The following CABLES1 variants were observed in gnomAD, a reference collection of about 807,000 sequenced individuals.
CABLES1 encodes the protein CDK5 and ABL1 enzyme substrate 1.
Under a neutral mutation model 57.8 loss-of-function variants are expected in CABLES1, and 36 were observed. The observed-to-expected ratio is 0.62, with a 90% CI of 0.48 to 0.82. CABLES1 has a LOEUF of 0.82. Among genes scored for constraint, CABLES1 ranks in the 40% least tolerant of loss-of-function variants. The pLI, the probability that CABLES1 is intolerant of heterozygous loss-of-function variation, is 0.00. For synonymous variants in CABLES1, 374 were observed against 363.0 expected (o/e 1.03, Z -0.35); for missense variants, 767 against 836.6 (o/e 0.92, Z 1.03).
chr18:23,204,384 C>G (rs1317605834), intron 3 of CABLES1: 1 of 152,186 alleles, frequency 6.6e-6, no homozygotes, highest in Admixed American at 6.5e-5. Flanking sequence ...CTCAGTACCT[C>G]GCGCTTGTGT....
intron 1 of CABLES1, 31 bp from the exon 2 acceptor site, chr18:23,188,807 T>C: frequency 1.3e-6 from 2 of 1,552,056 alleles, no homozygotes; most frequent in Non-Finnish European, 1.8e-6. Flanking sequence ...AATGCAGTTT[T>C]AACTCCCAGA....
At chr18:23,156,378 G>T (rs1185953044) in intron 1 of CABLES1, among the ~76,000 whole-genome samples, 1 of 152,214 alleles carries the variant, frequency 6.6e-6, no homozygotes, top group East Asian at 1.9e-4. Context: ...AAGGGAGGGA[G>T]ACCTGGAGGC....
intron 4 of CABLES1, among the ~76,000 whole-genome samples, chr18:23,228,868 G>C (rs996869686): frequency 3.9e-5 from 6 of 151,970 alleles, no homozygotes; most frequent in African/African-American, 1.5e-4. Context: ...CTAGGTACAT[G>C]TGGCTAAGCT....
chr18:23,246,882 G>A (rs563063150), intron 7 of CABLES1, among the ~76,000 whole-genome samples: 13 of 152,164 alleles, frequency 8.5e-5, no homozygotes, highest in East Asian at 1.9e-4. Flanking sequence ...TAGTAGAGAC[G>A]GGGTTTTACC....
intron 1 of CABLES1, among the ~76,000 whole-genome samples, chr18:23,183,212 CT>C (rs1459613034): frequency 2.6e-5 from 4 of 152,222 alleles, no homozygotes; most frequent in African/African-American, 9.7e-5. Context: ...TCTCCCAGTG[CT>C]TTGTCACTCC....
At position 23,135,669 on chromosome 18, in the gene CABLES1, C is replaced by T; in HGVS notation, c.-94C>T. ...CGCCGCCCGATCCCCGCGCCCTACC[C>T]AGCCCGGGTCGCCGCCGCTCGCGCC... On this transcript the variant is annotated 5_prime_UTR_variant, in exon 1 of 10. It introduces an in-frame stop codon into an upstream open reading frame of the 5' UTR. Coordinates refer to ENST00000256925, the MANE Select transcript of CABLES1 (RefSeq NM_001100619.3). 2.1e-6 allele frequency: 2 copies of T among 975,044 alleles called. No individual in the cohort carries two copies. The highest frequency in any genetic ancestry group is 2.4e-6 in the Non-Finnish European group (2 of 822,318). The allele number at this position is 975,044 out of a possible 1,614,324, so 60.4% of individuals were successfully genotyped here.
chr18:23,201,387 C>T (rs748727106), intron 3 of CABLES1, among the ~76,000 whole-genome samples: 5 of 152,132 alleles, frequency 3.3e-5, no homozygotes, highest in Admixed American at 6.5e-5. Flanking sequence ...GCATGCATGT[C>T]GTGTCATAGA....
At chr18:23,220,456 G>A (rs758711840) in intron 4 of CABLES1, among the ~76,000 whole-genome samples, 1 of 152,196 alleles carries the variant, frequency 6.6e-6, no homozygotes, top group Non-Finnish European at 1.5e-5. Flanking sequence ...CAGTAGGTGG[G>A]GGTAGGTGGG....
chr18:23,223,309 G>A (rs1457901650), intron 4 of CABLES1, among the ~76,000 whole-genome samples: 1 of 152,124 alleles, frequency 6.6e-6, no homozygotes, highest in East Asian at 1.9e-4. Context: ...GTTGGGTGCG[G>A]TGGCTCACAC....
At chr18:23,199,103 A>T (rs1183141679) in intron 3 of CABLES1, among the ~76,000 whole-genome samples, 2 of 152,252 alleles carry the variant, frequency 1.3e-5, no homozygotes, top group Admixed American at 1.3e-4. Flanking sequence ...TTTAAAAATC[A>T]TTAGCTTAAG....
chr18:23,146,275 A>C (rs2046891068), intron 1 of CABLES1, among the ~76,000 whole-genome samples: 1 of 152,208 alleles, frequency 6.6e-6, no homozygotes. Context: ...TTAGGGGGAC[A>C]AACGGTTGAT....
intron 1 of CABLES1, among the ~76,000 whole-genome samples, chr18:23,156,416 C>T (rs1252310396): frequency 1.3e-5 from 2 of 152,196 alleles, no homozygotes; most frequent in Admixed American, 6.5e-5. Context: ...TGTGTGTTTC[C>T]TGTTTCGCTT....
At chr18:23,192,400 C>A (rs1263394068) in intron 2 of CABLES1, among the ~76,000 whole-genome samples, 1 of 152,218 alleles carries the variant, frequency 6.6e-6, no homozygotes, top group African/African-American at 2.4e-5. Flanking sequence ...CTTTCCACTT[C>A]CAGAAGAAGG....
chr18:23,155,731 G>A, intron 1 of CABLES1: 3 of 1,102,556 alleles, frequency 2.7e-6, no homozygotes, highest in Non-Finnish European at 3.8e-6. Context: ...TAGAATCACG[G>A]GGTGGCAGTA....
At chr18:23,205,222 C>CTG (rs2047354885) in intron 3 of CABLES1, among the ~76,000 whole-genome samples, 1 of 132,938 alleles carries the variant, frequency 7.5e-6, no homozygotes, top group East Asian at 2.3e-4. Flanking sequence ...GCATCTCCCT[C>CTG]TGTCACCCAA....
intron 3 of CABLES1, among the ~76,000 whole-genome samples, chr18:23,213,729 G>T (rs1242029493): frequency 6.6e-6 from 1 of 152,210 alleles, no homozygotes; most frequent in Non-Finnish European, 1.5e-5. Context: ...AGGGGTGCAG[G>T]TGTACTCATT....
intron 7 of CABLES1, among the ~76,000 whole-genome samples, chr18:23,249,396 C>G (rs902380881): frequency 1.3e-5 from 2 of 152,124 alleles, no homozygotes; most frequent in African/African-American, 4.8e-5. Flanking sequence ...GTGGCCAAAC[C>G]AGGAGTGGGC....
Position 23,148,921 on chromosome 18 carries a change from C to T in CABLES1, c.845+12314C>T, listed in dbSNP as rs1022277819. 7.9e-5 allele frequency among the ~76,000 whole-genome samples: 12 copies of T among 152,226 alleles called. No homozygotes were observed. The East Asian group carries it at 2.1e-3, about 27-fold the overall frequency. On this transcript the variant is annotated intron_variant, in intron 1 of 9. Coordinates refer to ENST00000256925, the MANE Select transcript of CABLES1 (RefSeq NM_001100619.3). ...GCTCTTTTTTTGAGATGGAGTCTTG[C>T]TCTCTCTGCCCAGGCTGGAGTGCAG...
intron 9 of CABLES1, among the ~76,000 whole-genome samples, chr18:23,254,364 C>T (rs766723999): frequency 1.3e-5 from 2 of 152,210 alleles, no homozygotes; most frequent in African/African-American, 2.4e-5. Flanking sequence ...AAGGTGGTAT[C>T]TCTTTTCTTT....
Sources: gnomAD v4.1 joint callset for allele counts (sites outside exome capture counted in the v4.1 genomes callset) on GRCh38, gnomAD v4.1.1 for gene constraint, MANE v1.5 for transcripts, NCBI Gene and HGNC (gene_info 2026-07-23, HGNC 2026-07-21) for gene names.